The following NOS1AP variants were observed in gnomAD, a reference collection of about 807,000 sequenced individuals.
NOS1AP encodes carboxyl-terminal PDZ ligand of neuronal nitric oxide synthase protein.
A neutral mutation model predicts 56.2 loss-of-function variants in NOS1AP; 21 were observed. That is an observed-to-expected ratio of 0.37 (90% CI 0.26 to 0.54). The LOEUF (loss-of-function observed/expected upper bound fraction) is 0.54. Ranked by LOEUF, NOS1AP falls within the 20% of genes least tolerant of loss-of-function variation. The probability of loss-of-function intolerance (pLI) is 0.84; values close to 1 mark genes in which losing one functional copy is unlikely to be tolerated. For synonymous variants in NOS1AP, 270 were observed against 274.6 expected, an observed-to-expected ratio of 0.98 and a Z score of 0.17; for missense variants, 522 against 657.8, an observed-to-expected ratio of 0.79 and a Z score of 2.26.
rs148983615 is a variant in NOS1AP, at chr1:162,367,312, A to G, written c.1366A>G (p.Lys456Glu). The G allele has an allele frequency of 1.2e-5, 20 of 1,613,240 alleles. No individual in the cohort carries two copies. Among genetic ancestry groups the G allele is most frequent in the Non-Finnish European group, 1.6e-5 (19 of 1,179,942 alleles). The change falls in exon 10 of 10, where the codon AAG (lysine) becomes GAG (glutamate). Residue 456 changes from lysine to glutamate, a missense_variant. By Grantham distance (56) the Lys-to-Glu change is moderately conservative (BLOSUM62 1). Transcript: ENST00000361897. The surrounding 1 kb of genome is among the most constrained non-coding windows in gnomAD (Gnocchi z 6.5). ...GCTCCTGGGCGGTCTGGAGCTCATC[A>G]AGTTCCGAGAGTCAGGCATCGCCTC... ...EALLGGLELI[K>E]FRESGIASEY...
At chr1:162,195,200 C>T (rs1651766080) in intron 2 of NOS1AP, among the ~76,000 whole-genome samples, 1 of 152,094 alleles carries the variant, frequency 6.6e-6, no homozygotes, top group Non-Finnish European at 1.5e-5. Flanking sequence ...AGTAGATATT[C>T]AATAAATGGA....
At chr1:162,183,176 A>T (rs750126682) in intron 2 of NOS1AP, among the ~76,000 whole-genome samples, 2 of 152,254 alleles carry the variant, frequency 1.3e-5, no homozygotes, top group Non-Finnish European at 2.9e-5. Context: ...CCCCTTGAAC[A>T]TCTCCATCAG....
chr1:162,269,843 AGTT>A (rs5778261), intron 2 of NOS1AP, among the ~76,000 whole-genome samples: 14,179 of 152,140 alleles, frequency 0.093, 779 homozygotes, highest in East Asian at 0.3. Flanking sequence ...ATTTCCTAAA[AGTT>A]GTTAAGTTCT....
intron 2 of NOS1AP, among the ~76,000 whole-genome samples, chr1:162,171,782 G>A (rs913399090): frequency 1.3e-4 from 19 of 151,866 alleles, no homozygotes; most frequent in African/African-American, 4.4e-4. Context: ...TCATCTAGTG[G>A]CATCTCTTCT....
At chr1:162,239,376 A>G (rs1314832744) in intron 2 of NOS1AP, among the ~76,000 whole-genome samples, 1 of 152,226 alleles carries the variant, frequency 6.6e-6, no homozygotes, top group Non-Finnish European at 1.5e-5. Context: ...AATTCAGTGG[A>G]CTGCATCAAC....
intron 1 of NOS1AP, among the ~76,000 whole-genome samples, chr1:162,108,768 G>A (rs1051575191): frequency 6.6e-6 from 1 of 152,056 alleles, no homozygotes. Flanking sequence ...ATAAAACTAT[G>A]GGAGTGCAAT....
chr1:162,117,070 C>A (rs1384084507), intron 1 of NOS1AP, among the ~76,000 whole-genome samples: 1 of 152,168 alleles, frequency 6.6e-6, no homozygotes, highest in African/African-American at 2.4e-5. Flanking sequence ...TATACCCTAG[C>A]ACTAGGGAGT....
rs369323838 is a variant in NOS1AP, at chr1:162,172,982, C to T, written c.177+18506C>T. 1.7e-4 allele frequency among the ~76,000 whole-genome samples: 25 copies of T among 151,170 alleles called. 1 individual carries two copies. The South Asian group carries it at 4.6e-3, about 28-fold the overall frequency. On this transcript the variant is annotated intron_variant, in intron 2 of 9. Transcript: ENST00000361897. Reference sequence around the variant, plus strand: ...TGTCACCCAGGCTGGAGTGTAGTGGCGCAATCTTGGCTCATTGCAACCTTT... The same window carrying T: ...TGTCACCCAGGCTGGAGTGTAGTGGTGCAATCTTGGCTCATTGCAACCTTT...
At chr1:162,241,338 G>T (rs1022632754) in intron 2 of NOS1AP, among the ~76,000 whole-genome samples, 1 of 152,202 alleles carries the variant, frequency 6.6e-6, no homozygotes, top group African/African-American at 2.4e-5. Context: ...AGAGGAAGTT[G>T]CATACGGAAC....
intron 4 of NOS1AP, chr1:162,317,294 C>G (rs1393345610): frequency 1.3e-5 from 2 of 152,228 alleles, no homozygotes; most frequent in Non-Finnish European, 2.9e-5. Context: ...AGGGTCTGGG[C>G]CAGTGGTGTG....
chr1:162,237,036 G>A (rs1653314236), intron 2 of NOS1AP, among the ~76,000 whole-genome samples: 1 of 152,222 alleles, frequency 6.6e-6, no homozygotes, highest in Admixed American at 6.5e-5. Flanking sequence ...ATTGGTGAGA[G>A]GGTGGTGATT....
chr1:162,253,932 G>T (rs1371258107), intron 2 of NOS1AP, among the ~76,000 whole-genome samples: 3 of 152,144 alleles, frequency 2.0e-5, no homozygotes, highest in African/African-American at 7.2e-5. Context: ...TTACTATCTT[G>T]AGGAGATAAT....
At chr1:162,103,286 T>C (rs1007196072) in intron 1 of NOS1AP, among the ~76,000 whole-genome samples, 9 of 152,318 alleles carry the variant, frequency 5.9e-5, no homozygotes, top group African/African-American at 2.2e-4. Context: ...GATTGCGCTA[T>C]GGTATGAGAG....
chr1:162,303,904 CTT>C (rs35658165), intron 4 of NOS1AP, among the ~76,000 whole-genome samples: 49,411 of 110,298 alleles, frequency 0.45, 9,555 homozygotes, highest in East Asian at 0.59. Flanking sequence ...TCTGGCTTGT[CTT>C]TTTTTTTTTT....
At chr1:162,329,888 G>A (rs188221067) in intron 4 of NOS1AP, among the ~76,000 whole-genome samples, 5 of 152,304 alleles carry the variant, frequency 3.3e-5, no homozygotes, top group East Asian at 1.9e-4. Flanking sequence ...ATAACAACAC[G>A]CTAAGTTTCT....
chr1:162,250,750 G>A (rs1653822214), intron 2 of NOS1AP, among the ~76,000 whole-genome samples: 1 of 152,184 alleles, frequency 6.6e-6, no homozygotes, highest in Non-Finnish European at 1.5e-5. Context: ...AAAGGTGGCA[G>A]ATTCCCCCTG....
chr1:162,349,475 G>A (rs1657418995), intron 6 of NOS1AP, among the ~76,000 whole-genome samples: 2 of 152,182 alleles, frequency 1.3e-5, no homozygotes, highest in African/African-American at 2.4e-5. Flanking sequence ...GAGGGTTTGG[G>A]TTCCAGCACT....
At position 162,229,053 on chromosome 1, in the gene NOS1AP, G is replaced by A. The variant is rs577824048; in HGVS notation, c.178-58291G>A. Among the ~76,000 whole-genome samples the A allele has an allele frequency of 3.3e-5, 5 of 152,322 alleles. No homozygotes were observed. The South Asian group carries it at 6.2e-4, about 19-fold the overall frequency. On this transcript the variant is annotated intron_variant, in intron 2 of 9. Transcript: ENST00000361897. Reference sequence around the variant, plus strand: ...TTCTGGAACTAAAATTTTCCTGGGAGCAGGTAATATCTTAATCCTGTGTTC... The same window carrying A: ...TTCTGGAACTAAAATTTTCCTGGGAACAGGTAATATCTTAATCCTGTGTTC...
At chr1:162,086,260 AG>A (rs1484719220) in intron 1 of NOS1AP, among the ~76,000 whole-genome samples, 1 of 152,032 alleles carries the variant, frequency 6.6e-6, no homozygotes, top group East Asian at 1.9e-4. Flanking sequence ...AGAGTGGTGG[AG>A]GGGGCAATAA....
Sources: gnomAD v4.1 joint callset for allele counts (sites outside exome capture counted in the v4.1 genomes callset) on GRCh38, gnomAD v4.1.1 for gene constraint, Gnocchi (gnomAD v3.1) non-coding constraint, MANE v1.5 for transcripts, NCBI Gene and HGNC (gene_info 2026-07-23, HGNC 2026-07-21) for gene names.